LYPD6: variants seen among roughly 807,000 people sequenced by gnomAD.
LYPD6 encodes LY6/PLAUR domain containing 6.
LYPD6 carries 15 observed loss-of-function variants against 22.7 expected under a neutral mutation model. That is an observed-to-expected ratio of 0.66 (90% CI 0.44 to 1.02). The LOEUF (loss-of-function observed/expected upper bound fraction) is 1.02, where lower values mean the gene tolerates loss of function less well. Ranked by LOEUF, LYPD6 falls within the 50% of genes least tolerant of loss-of-function variation. The pLI is 0.00. For synonymous variants in LYPD6, 72 were observed against 77.5 expected (o/e 0.93, Z 0.37); for missense variants, 189 against 208.4 (o/e 0.91, Z 0.57).
At chr2:149,380,738 A>G (rs1416489785) in intron 1 of LYPD6, among the ~76,000 whole-genome samples, 1 of 152,230 alleles carries the variant, frequency 6.6e-6, no homozygotes, top group Non-Finnish European at 1.5e-5. Context: ...GTTGAGAGAC[A>G]TGAGCATACG....
intron 3 of LYPD6, among the ~76,000 whole-genome samples, chr2:149,468,132 A>AACACACACACACACACAC (rs58309346): frequency 3.5e-4 from 40 of 114,716 alleles, no homozygotes; most frequent in East Asian, 7.2e-4. Flanking sequence ...GCTTCCCCCC[A>AACACACACACACACACAC]ACACACACAC....
chr2:149,486,251 A>G, the LYPD6 span, among the ~76,000 whole-genome samples: 1 of 152,164 alleles, frequency 6.6e-6, no homozygotes, highest in African/African-American at 2.4e-5. Context: ...TCCTTTCAAT[A>G]TTTATTTCCA....
rs930999782 is a variant in LYPD6, at chr2:149,454,790, A to G, written c.217+5643A>G. Among the ~76,000 whole-genome samples, 9 of 152,180 alleles carry G rather than the reference A, an allele frequency of 5.9e-5. 1 individual carries two copies. The highest frequency in any genetic ancestry group is 5.9e-4 in the Admixed American group (9 of 15,280). ...AGAAGGTAGAAGTTAACCAGATGAC[A>G]TTTTTAAAGTGCTGAAAGTAAATAA... On this transcript the variant is annotated intron_variant, in intron 3 of 4. Transcript: ENST00000334166.
At chr2:149,391,688 G>A (rs929391874) in intron 1 of LYPD6, among the ~76,000 whole-genome samples, 2 of 152,188 alleles carry the variant, frequency 1.3e-5, no homozygotes, top group African/African-American at 4.8e-5. Context: ...GGTATGTGAT[G>A]AGCTGGACAT....
chr2:149,334,197 T>G (rs1251705377), intron 1 of LYPD6, among the ~76,000 whole-genome samples: 1 of 152,128 alleles, frequency 6.6e-6, no homozygotes, highest in Non-Finnish European at 1.5e-5. Context: ...ATTGACCTTA[T>G]GAAGGGCAAC....
chr2:149,332,595 A>G (rs1170176653), intron 1 of LYPD6, among the ~76,000 whole-genome samples: 3 of 152,310 alleles, frequency 2.0e-5, no homozygotes, highest in Non-Finnish European at 4.4e-5. Context: ...TGACTTTTCC[A>G]AGATCAATAG....
chr2:149,380,159 C>T (rs941594590), intron 1 of LYPD6, among the ~76,000 whole-genome samples: 11 of 152,200 alleles, frequency 7.2e-5, no homozygotes, highest in Admixed American at 2.0e-4. Context: ...AAATAGCAAG[C>T]GGTGGAATGA....
chr2:149,478,215 C>A (rs1388489177), downstream of LYPD6, among the ~76,000 whole-genome samples: 1 of 152,084 alleles, frequency 6.6e-6, no homozygotes, highest in Non-Finnish European at 1.5e-5. Context: ...TCTTCATACT[C>A]ATCTCAAGAA....
intron 1 of LYPD6, among the ~76,000 whole-genome samples, chr2:149,414,864 G>A (rs1237919414): frequency 6.6e-6 from 1 of 152,190 alleles, no homozygotes; most frequent in Non-Finnish European, 1.5e-5. Flanking sequence ...GGAGCATTTA[G>A]AATGGTGGAC....
At chr2:149,374,798 A>G (rs1681881235) in intron 1 of LYPD6, among the ~76,000 whole-genome samples, 1 of 152,196 alleles carries the variant, frequency 6.6e-6, no homozygotes, top group Non-Finnish European at 1.5e-5. Context: ...ATGAAATTTG[A>G]TTTTACAGCA....
chr2:149,419,863 T>C (rs1683042340), intron 1 of LYPD6, among the ~76,000 whole-genome samples: 1 of 152,168 alleles, frequency 6.6e-6, no homozygotes, highest in African/African-American at 2.4e-5. Context: ...TGTGTTTCTT[T>C]CTGCTCATAA....
intron 1 of LYPD6, among the ~76,000 whole-genome samples, chr2:149,373,488 G>A (rs1374340892): frequency 6.6e-6 from 1 of 152,122 alleles, no homozygotes; most frequent in African/African-American, 2.4e-5. Flanking sequence ...GGTAGGGGAG[G>A]AGTCAGAATA....
chr2:149,362,723 G>A (rs1681594705), intron 1 of LYPD6, among the ~76,000 whole-genome samples: 1 of 151,496 alleles, frequency 6.6e-6, no homozygotes, highest in Non-Finnish European at 1.5e-5. Flanking sequence ...GAAGTGAAGG[G>A]GGCTAGAACT....
At chr2:149,408,416 A>T (rs2105119145) in intron 1 of LYPD6, among the ~76,000 whole-genome samples, 1 of 152,258 alleles carries the variant, frequency 6.6e-6, no homozygotes, top group African/African-American at 2.4e-5. Context: ...TGAATTTCCC[A>T]GGTGTTCTTT....
chr2:149,449,120 T>C lies in LYPD6; in HGVS notation c.190T>C (p.Trp64Arg). The change falls in exon 3 of 5, where the codon TGG (tryptophan) becomes CGG (arginine). Residue 64 changes from tryptophan to arginine, a missense_variant. Trp to Arg is a moderately radical substitution (Grantham distance 101, BLOSUM62 -3). Coordinates refer to ENST00000334166, the MANE Select transcript of LYPD6 (RefSeq NM_194317.5). ...AGCAGACAATTATGAGTGCAACCGATGGGCTCCAGACATCTACTGCCCTCG... is the reference window on the plus strand; with the variant it reads ...AGCAGACAATTATGAGTGCAACCGACGGGCTCCAGACATCTACTGCCCTCG... The part of the protein sequence containing the change: ...KAADNYECNR[W>R]APDIYCPRET... The C allele has an allele frequency of 3.1e-6, 5 of 1,613,232 alleles. No homozygotes were observed. Among genetic ancestry groups the C allele is most frequent in the Non-Finnish European group, 4.2e-6 (5 of 1,179,564 alleles).
At chr2:149,447,170 G>A (rs886996635) in intron 2 of LYPD6, among the ~76,000 whole-genome samples, 7 of 152,300 alleles carry the variant, frequency 4.6e-5, no homozygotes, top group Middle Eastern at 3.4e-3. Flanking sequence ...GAGCTAAGAA[G>A]CAATTAAATG....
intron 1 of LYPD6, among the ~76,000 whole-genome samples, chr2:149,346,268 G>T (rs1413036985): frequency 6.6e-6 from 1 of 151,988 alleles, no homozygotes; most frequent in Non-Finnish European, 1.5e-5. Context: ...TTAAAAAAAT[G>T]CATAAAGTTA....
chr2:149,353,126 A>G (rs1164654770), intron 1 of LYPD6, among the ~76,000 whole-genome samples: 1 of 152,216 alleles, frequency 6.6e-6, no homozygotes, highest in Non-Finnish European at 1.5e-5. Flanking sequence ...CTCTTGGTAA[A>G]GTAAGCACAA....
rs553217840 is a variant in LYPD6 at position 149,399,096 on chromosome 2, G to A, written c.-71-38542G>A. On this transcript the variant is annotated intron_variant, in intron 1 of 4. Transcript: ENST00000334166. ...TTGAATGGAGAATGAAGAGGAAGGTGTTAAAAAAAAAATCAAGCAGTGGTG... is the reference window on the plus strand; with the variant it reads ...TTGAATGGAGAATGAAGAGGAAGGTATTAAAAAAAAAATCAAGCAGTGGTG... 4.0e-4 allele frequency among the ~76,000 whole-genome samples: 60 copies of A among 151,722 alleles called. 2 individuals carry two copies. Among genetic ancestry groups the A allele is most frequent in the Admixed American group, 2.9e-3 (44 of 15,242 alleles).
Sources: gnomAD v4.1 joint callset for allele counts (sites outside exome capture counted in the v4.1 genomes callset) on GRCh38, gnomAD v4.1.1 for gene constraint, MANE v1.5 for transcripts, NCBI Gene and HGNC (gene_info 2026-07-23, HGNC 2026-07-21) for gene names.